Variants in SH3BP4 observed in about 807,000 individuals in gnomAD.
SH3BP4 encodes SH3 domain binding protein 4.
Under a neutral mutation model 65.5 loss-of-function variants are expected in SH3BP4, and 33 were observed. The observed-to-expected ratio is 0.50, with a 90% CI of 0.38 to 0.67. The LOEUF is 0.67. Ranked by LOEUF, SH3BP4 falls within the 30% of genes least tolerant of loss-of-function variation. The pLI is 0.00. For synonymous variants in SH3BP4, 552 were observed against 545.5 expected, an observed-to-expected ratio of 1.01 and a Z score of -0.17; for missense variants, 1,134 against 1,261.4, an observed-to-expected ratio of 0.90 and a Z score of 1.53.
intron 4 of SH3BP4, 67 bp downstream of exon 4, chr2:235,043,314 T>A: frequency 1.5e-6 from 2 of 1,327,512 alleles, no homozygotes; most frequent in Non-Finnish European, 2.1e-6. Flanking sequence ...GCCTTCCCAG[T>A]GCACATGGGC....
At chr2:235,008,816 G>A (rs527933986) in intron 2 of SH3BP4, among the ~76,000 whole-genome samples, 10 of 152,290 alleles carry the variant, frequency 6.6e-5, no homozygotes, top group Non-Finnish European at 8.8e-5. Flanking sequence ...ACTGAAAAAC[G>A]GGGTGATTCA....
At chr2:235,005,972 C>T (rs531023986) in intron 2 of SH3BP4, among the ~76,000 whole-genome samples, 13 of 152,360 alleles carry the variant, frequency 8.5e-5, no homozygotes, top group African/African-American at 2.9e-4. Context: ...CTGTGGGAGG[C>T]GCCAGAGGGA....
intron 2 of SH3BP4, among the ~76,000 whole-genome samples, chr2:235,002,084 C>G (rs1045756297): frequency 6.6e-6 from 1 of 152,168 alleles, no homozygotes; most frequent in African/African-American, 2.4e-5. Flanking sequence ...TGATCTCAAA[C>G]TCCTGACCTC....
chr2:235,018,867 T>A (rs11680626), intron 2 of SH3BP4, among the ~76,000 whole-genome samples: 45,607 of 152,072 alleles, frequency 0.3, 8,213 homozygotes, highest in East Asian at 0.71. Context: ...CTGATTGAGG[T>A]AAGTCATGTG....
In SH3BP4 at chr2:235,042,554, C is replaced by G; in HGVS notation, c.1785C>G (p.Asp595Glu). ...TCACGCTGCGGGTTCAGGTGAAGGA[C>G]GACCAGGAGGCCATCCTCACCCAGT... ...SDFTLRVQVKDDQEAILTQFC... is the reference protein window; with the variant it reads ...SDFTLRVQVKEDQEAILTQFC... Residue 595 changes from aspartate to glutamate, a missense_variant, in exon 4 of 6, where the codon GAC (aspartate) becomes GAG (glutamate). Asp to Glu is a conservative substitution (Grantham distance 45). Coordinates refer to ENST00000392011, the MANE Select transcript of SH3BP4 (RefSeq NM_014521.3). This position sits in a 1 kb window ranked among gnomAD's most constrained non-coding sequence, Gnocchi z 7.3. 6.2e-7 allele frequency: 1 copy of G among 1,614,162 alleles called. No homozygotes were observed. Among genetic ancestry groups the G allele is most frequent in the Non-Finnish European group, 8.5e-7 (1 of 1,180,036 alleles).
chr2:235,010,057 C>T (rs993211403), intron 2 of SH3BP4, among the ~76,000 whole-genome samples: 6 of 151,112 alleles, frequency 4.0e-5, no homozygotes, highest in African/African-American at 1.4e-4. Flanking sequence ...GTCTACCCTT[C>T]GTCCCATCCC....
intron 1 of SH3BP4, among the ~76,000 whole-genome samples, chr2:234,964,347 C>T (rs1692785667): frequency 6.6e-6 from 1 of 152,182 alleles, no homozygotes; most frequent in Non-Finnish European, 1.5e-5. Context: ...CTCTTTCCCT[C>T]TTCTTGTTCA....
chr2:234,983,883 C>G (rs1006396512), intron 1 of SH3BP4, among the ~76,000 whole-genome samples: 4 of 152,238 alleles, frequency 2.6e-5, no homozygotes, highest in African/African-American at 9.6e-5. Context: ...CTGGCCCTGT[C>G]GTCAGCCCAG....
At chr2:235,023,407 A>C (rs1694903013) in intron 2 of SH3BP4, among the ~76,000 whole-genome samples, 1 of 152,048 alleles carries the variant, frequency 6.6e-6, no homozygotes, top group Admixed American at 6.6e-5. Context: ...AAATAACTGG[A>C]CATGGTGGTG....
chr2:235,024,559 C>G (rs1055343565), intron 2 of SH3BP4, among the ~76,000 whole-genome samples: 1 of 152,120 alleles, frequency 6.6e-6, no homozygotes, highest in Non-Finnish European at 1.5e-5. Context: ...ACCCTAGAAG[C>G]CGCCTCCCCC....
chr2:235,019,068 T>C (rs895034688), intron 2 of SH3BP4, among the ~76,000 whole-genome samples: 2 of 152,190 alleles, frequency 1.3e-5, no homozygotes, highest in Non-Finnish European at 2.9e-5. Context: ...ACAGTTCCGT[T>C]GTGCACCAGG....
At chr2:234,979,941 T>G (rs929929943) in intron 1 of SH3BP4, 4 of 152,258 alleles carry the variant, frequency 2.6e-5, no homozygotes, top group African/African-American at 9.6e-5. Context: ...GAGTCTCTTC[T>G]TTACCAGTTA....
intron 1 of SH3BP4, among the ~76,000 whole-genome samples, chr2:234,985,013 G>A (rs945477855): frequency 6.6e-6 from 1 of 152,154 alleles, no homozygotes; most frequent in South Asian, 2.1e-4. Flanking sequence ...AGGCCAGGAG[G>A]CGGGGGCGTC....
chr2:234,981,222 C>T (rs897379606), intron 1 of SH3BP4, among the ~76,000 whole-genome samples: 2 of 152,128 alleles, frequency 1.3e-5, no homozygotes, highest in African/African-American at 2.4e-5. Context: ...CCTGTGTGTC[C>T]TGGTCTTTGG....
intron 1 of SH3BP4, among the ~76,000 whole-genome samples, chr2:234,958,446 T>C (rs1009241040): frequency 2.3e-4 from 35 of 151,372 alleles, no homozygotes; most frequent in African/African-American, 7.5e-4. Context: ...TGGGGAAGGG[T>C]CTGTCCTGCT....
At chr2:234,999,470 G>T (rs763851250) in intron 2 of SH3BP4, among the ~76,000 whole-genome samples, 1 of 152,184 alleles carries the variant, frequency 6.6e-6, no homozygotes, top group Admixed American at 6.5e-5. Flanking sequence ...CCACCCTGTT[G>T]TTAGTTCATT....
intron 2 of SH3BP4, among the ~76,000 whole-genome samples, chr2:235,029,306 C>T (rs1485193122): frequency 1.4e-5 from 2 of 146,500 alleles, no homozygotes; most frequent in East Asian, 3.9e-4. Flanking sequence ...AGGCCAGGGG[C>T]AGGGGTTTGG....
intron 2 of SH3BP4, among the ~76,000 whole-genome samples, chr2:235,014,318 T>A (rs1159155424): frequency 2.0e-5 from 3 of 152,160 alleles, no homozygotes; most frequent in African/African-American, 7.2e-5. Context: ...GGAGGCCTCG[T>A]CCCTCTTTTT....
intron 2 of SH3BP4, among the ~76,000 whole-genome samples, chr2:235,005,872 C>A (rs1694276624): frequency 6.6e-6 from 1 of 151,994 alleles, no homozygotes; most frequent in South Asian, 2.1e-4. Flanking sequence ...GGGTCCCAGG[C>A]AGGCTGGCTT....
Sources: allele counts gnomAD v4.1 joint callset (sites outside exome capture counted in the v4.1 genomes callset), GRCh38; gene constraint gnomAD v4.1.1; non-coding constraint Gnocchi (gnomAD v3.1); transcripts MANE v1.5; gene names NCBI Gene and HGNC (gene_info 2026-07-23, HGNC 2026-07-21).